Variants in PCSK5 observed in about 807,000 individuals in gnomAD.
PCSK5 encodes prohormone convertase 5.
PCSK5 carries 129 observed loss-of-function variants against 233.2 expected under a neutral mutation model. The ratio of observed to expected loss-of-function variants is 0.55; its 90% CI spans 0.48 to 0.64. PCSK5 has a LOEUF of 0.64. PCSK5 is among the 30% of genes least tolerant of loss of function. PCSK5 has a pLI of 0.00. For synonymous variants in PCSK5, 825 were observed against 879.2 expected (o/e 0.94, Z 1.09); for missense variants, 2,076 against 2,430.1 (o/e 0.85, Z 3.06).
chr9:76,330,912 C>T (rs1829514440), intron 33 of PCSK5, among the ~76,000 whole-genome samples: 2 of 152,154 alleles, frequency 1.3e-5, no homozygotes, highest in South Asian at 4.1e-4. Context: ...ACCTTCTTTT[C>T]TACTTACGTC....
intron 1 of PCSK5, among the ~76,000 whole-genome samples, chr9:75,926,231 G>A (rs62555878): frequency 0.11 from 16,492 of 150,400 alleles, 1,428 homozygotes; most frequent in African/African-American, 0.24. Flanking sequence ...ACTTTTTTGA[G>A]ATCATCGGTT....
intron 1 of PCSK5, among the ~76,000 whole-genome samples, chr9:75,932,161 G>A (rs899440498): frequency 6.6e-6 from 1 of 152,198 alleles, no homozygotes; most frequent in Non-Finnish European, 1.5e-5. Flanking sequence ...CAGTTCCGCA[G>A]TCACTGCCTC....
At chr9:75,968,348 C>T (rs763042986) in intron 2 of PCSK5, among the ~76,000 whole-genome samples, 37 of 152,184 alleles carry the variant, frequency 2.4e-4, no homozygotes, top group Admixed American at 8.5e-4. Context: ...TTATATCGCT[C>T]GCGCGTTAAC....
In PCSK5 at chr9:76,169,657, C is replaced by T. The variant is rs538952221; in HGVS notation, c.1620-47C>T. 4.4e-6 allele frequency: 7 copies of T among 1,594,742 alleles called. No homozygotes were observed. In the Admixed American group the frequency reaches 1.2e-4, roughly 27 times the overall value. On this transcript the variant is annotated intron_variant, in intron 12 of 37. Coordinates refer to ENST00000674117, the MANE Select transcript of PCSK5 (RefSeq NM_001372043.1). ...TCGATTGTGGTATTAACTAGACCCTCATTGGATTTGAAATATCGCACATAA... is the reference window on the plus strand; with the variant it reads ...TCGATTGTGGTATTAACTAGACCCTTATTGGATTTGAAATATCGCACATAA...
intron 34 of PCSK5, 105 bp from the exon 35 acceptor site, chr9:76,338,124 TA>T: frequency 1.3e-6 from 1 of 740,932 alleles, no homozygotes. Flanking sequence ...GTAAAGAGGC[TA>T]AAGTCACTCA....
chr9:75,966,212 C>T (rs1825579303), intron 2 of PCSK5, among the ~76,000 whole-genome samples: 1 of 152,188 alleles, frequency 6.6e-6, no homozygotes, highest in Non-Finnish European at 1.5e-5. Context: ...CAATACCCCA[C>T]ACTGGAGGCA....
chr9:76,260,704 T>C (rs1191271311), intron 24 of PCSK5, among the ~76,000 whole-genome samples: 1 of 152,224 alleles, frequency 6.6e-6, no homozygotes, highest in Non-Finnish European at 1.5e-5. Context: ...CCAGCCCTGC[T>C]GCCACTCTGC....
Position 75,891,260 on chromosome 9 carries a change from C to T in PCSK5, c.79C>T (p.Leu27Phe). ...CVLALLGGCL[L>F]PVCRTRVYTN... The stretch of plus-strand genomic sequence containing the variant: ...GCTGGCGCTGCTCGGGGGCTGCCTG[C>T]TCCCCGTGTGTCGGACGCGCGTCTA... Residue 27 changes from leucine to phenylalanine, a missense_variant, in exon 1 of 38, where the codon CTC becomes TTC. Leu to Phe is a conservative substitution (Grantham distance 22, BLOSUM62 0). This residue lies in a region of PCSK5 where 190 missense variants were observed against 216.3 expected (regional missense o/e 0.88). Transcript: ENST00000674117. 2 of 1,528,948 alleles carry T rather than the reference C, an allele frequency of 1.3e-6. No homozygotes were observed. Among genetic ancestry groups the T allele is most frequent in the Non-Finnish European group, 1.7e-6 (2 of 1,148,038 alleles). The allele number at this position is 1,528,948 out of a possible 1,614,324, so 94.7% of individuals were successfully genotyped here.
At chr9:76,039,126 T>A (rs1260341522) in intron 5 of PCSK5, among the ~76,000 whole-genome samples, 1 of 152,258 alleles carries the variant, frequency 6.6e-6, no homozygotes. Flanking sequence ...GTATATTTCA[T>A]GTTTTCAGAT....
chr9:76,207,744 T>G (rs10781346), intron 20 of PCSK5, among the ~76,000 whole-genome samples: 1 of 151,890 alleles, frequency 6.6e-6, no homozygotes, highest in African/African-American at 2.4e-5. Context: ...AGTGGAAGGA[T>G]AGAGCTGGAG....
At position 76,175,280 on chromosome 9, in the gene PCSK5, TCG is replaced by T. The variant is rs777106711; in HGVS notation, c.1900+152_1900+153del. 3.5e-5 allele frequency: 21 copies of T among 593,258 alleles called. 1 individual carries two copies. The East Asian group carries it at 5.2e-4, about 15-fold the overall frequency. 36.7% of individuals were successfully genotyped at this position (593,258 alleles called of 1,614,324 possible). On this transcript the variant is annotated intron_variant, in intron 14 of 37. Coordinates refer to ENST00000674117, the MANE Select transcript of PCSK5 (RefSeq NM_001372043.1). ...TGGAATGGAATGGAATGGAATCGAA[TCG>T]AATCGAATCGAATAGAATAGAATAG... is the stretch of plus-strand genomic sequence containing the variant.
intron 2 of PCSK5, among the ~76,000 whole-genome samples, chr9:75,941,415 T>C (rs1472378417): frequency 6.6e-6 from 1 of 152,094 alleles, no homozygotes; most frequent in Non-Finnish European, 1.5e-5. Context: ...ATTTCACGTT[T>C]GCCTCTCATC....
At chr9:75,978,850 G>A (rs1826139125) in intron 2 of PCSK5, among the ~76,000 whole-genome samples, 1 of 143,532 alleles carries the variant, frequency 7.0e-6, no homozygotes, top group African/African-American at 2.5e-5. Flanking sequence ...TGAATTTTAG[G>A]CTTTGTTTGA....
chr9:76,202,663 C>T (rs1824963123), intron 20 of PCSK5, among the ~76,000 whole-genome samples: 1 of 152,126 alleles, frequency 6.6e-6, no homozygotes, highest in South Asian at 2.1e-4. Context: ...AATGTTATCT[C>T]ACCCGAATCA....
intron 19 of PCSK5, 136 bp from the exon 20 acceptor site, chr9:76,189,495 G>A (rs1234504845): frequency 4.5e-6 from 3 of 663,198 alleles, no homozygotes; most frequent in Non-Finnish European, 7.9e-6. Flanking sequence ...ACCTAACCTA[G>A]CAATTGTTGT....
chr9:75,988,386 A>G (rs1474108073), intron 3 of PCSK5, among the ~76,000 whole-genome samples: 2 of 151,778 alleles, frequency 1.3e-5, no homozygotes, highest in Admixed American at 6.6e-5. Flanking sequence ...GGCTCAAGCA[A>G]TCCTCCCATC....
chr9:76,338,548 C>A (rs1829744526), intron 35 of PCSK5, 101 bp downstream of exon 35: 2 of 767,280 alleles, frequency 2.6e-6, no homozygotes, highest in Non-Finnish European at 4.3e-6. Flanking sequence ...GGAGGTTCCT[C>A]TTGCTTCCCT....
chr9:76,163,798 C>G (rs1822970500), intron 12 of PCSK5, among the ~76,000 whole-genome samples: 2 of 150,634 alleles, frequency 1.3e-5, no homozygotes, highest in African/African-American at 4.9e-5. Context: ...ATTTTTCAAA[C>G]AAAAGCTTAT....
chr9:76,333,942 G>T (rs760134987), intron 34 of PCSK5, among the ~76,000 whole-genome samples: 3 of 152,084 alleles, frequency 2.0e-5, no homozygotes, highest in Non-Finnish European at 4.4e-5. Context: ...TTGTTTTCAC[G>T]CGGCTGATAA....
Sources: allele counts gnomAD v4.1 joint callset (sites outside exome capture counted in the v4.1 genomes callset), GRCh38; gene constraint gnomAD v4.1.1; regional missense constraint gnomAD v4.1.1; transcripts MANE v1.5; gene names NCBI Gene and HGNC (gene_info 2026-07-23, HGNC 2026-07-21).